Variants in SH3PXD2A observed in about 807,000 individuals in gnomAD.
The protein encoded by SH3PXD2A is SH3 and PX domains 2A, also known as SH3 and PX domain-containing protein 2A.
A neutral mutation model predicts 115.2 loss-of-function variants in SH3PXD2A; 32 were observed. That is an observed-to-expected ratio of 0.28 (90% CI 0.21 to 0.37). The LOEUF is 0.37. Ranked by LOEUF, SH3PXD2A falls within the 10% of genes least tolerant of loss-of-function variation. The pLI is 1.00. For missense variants in SH3PXD2A, 1,328 were observed against 1,498.7 expected, an observed-to-expected ratio of 0.89 and a Z score of 1.88; for synonymous variants, 610 against 629.1, an observed-to-expected ratio of 0.97 and a Z score of 0.45.
At chr10:103,663,588 T>C (rs542143667) in intron 7 of SH3PXD2A, among the ~76,000 whole-genome samples, 3 of 152,368 alleles carry the variant, frequency 2.0e-5, no homozygotes, top group East Asian at 1.9e-4. Context: ...CAGGTTTCTT[T>C]GGTCTGGGAC....
rs771757799 is a variant in SH3PXD2A, at chr10:103,605,783, T to C, written c.1428+15A>G. On this transcript the variant is annotated intron_variant, in intron 14 of 14. Transcript: ENST00000369774. The stretch of plus-strand genomic sequence containing the variant: ...CAATGAGTTAAAACCCTCGGCCTCA[T>C]GGCCCAAGGCTTACCTCTGCCTTCT... 5 of 1,614,140 alleles carry C rather than the reference T, an allele frequency of 3.1e-6. No homozygotes were observed. The highest frequency in any genetic ancestry group is 2.2e-5 in the East Asian group (1 of 44,884).
intron 8 of SH3PXD2A, among the ~76,000 whole-genome samples, chr10:103,653,915 C>T (rs961761013): frequency 6.6e-6 from 1 of 151,896 alleles, no homozygotes; most frequent in Non-Finnish European, 1.5e-5. Context: ...GCCCCACCCT[C>T]CCACCTCCTG....
chr10:103,625,294 C>T (rs182598904), intron 9 of SH3PXD2A, among the ~76,000 whole-genome samples: 126 of 152,372 alleles, frequency 8.3e-4, no homozygotes, highest in African/African-American at 2.9e-3. Flanking sequence ...CCTGGTGCAG[C>T]CTTTTCAACT....
At chr10:103,663,960 A>G (rs2037349431) in intron 7 of SH3PXD2A, among the ~76,000 whole-genome samples, 1 of 152,128 alleles carries the variant, frequency 6.6e-6, no homozygotes. Context: ...CAGAAATGCA[A>G]CCAACAGCCG....
At position 103,620,233 on chromosome 10, in the gene SH3PXD2A, G is replaced by A. The variant is rs1354805189; in HGVS notation, c.802+2237C>T. 6.6e-6 allele frequency among the ~76,000 whole-genome samples: 1 copy of A among 152,192 alleles called. No homozygotes were observed. The highest frequency in any genetic ancestry group is 1.5e-5 in the Non-Finnish European group (1 of 68,036). The stretch of plus-strand genomic sequence containing the variant: ...TCCAGTGGGATCCTCCGGGCTTCTG[G>A]GAAGCACTGGGGCCGTGAACACTGA... On this transcript the variant is annotated intron_variant, in intron 10 of 14. Coordinates refer to ENST00000369774, the MANE Select transcript of SH3PXD2A (RefSeq NM_001394015.1). This position sits in a 1 kb window ranked among gnomAD's most constrained non-coding sequence, Gnocchi z 5.3.
At chr10:103,697,028 G>A (rs942434777) in intron 5 of SH3PXD2A, among the ~76,000 whole-genome samples, 2 of 151,926 alleles carry the variant, frequency 1.3e-5, no homozygotes, top group Non-Finnish European at 2.9e-5. Context: ...CCCCATCCCC[G>A]GGTGATACGG....
intron 5 of SH3PXD2A, among the ~76,000 whole-genome samples, chr10:103,708,810 C>T (rs1035956333): frequency 2.6e-5 from 4 of 152,104 alleles, no homozygotes; most frequent in African/African-American, 4.8e-5. Context: ...TTAAGATCCT[C>T]GTGGCTGCCA....
chr10:103,602,649 A>C lies in SH3PXD2A; in HGVS notation c.2569T>G (p.Ser857Ala). The stretch of plus-strand genomic sequence containing the variant: ...ACGCCCGCGGGGAAGCTGATCTCCG[A>C]GTCCTGGACCTTCTGGTAGGCGCTG... ...TCSAYQKVQD[S>A]EISFPAGVEV... Residue 857 changes from serine (S) to alanine (A), a missense_variant, in exon 15 of 15, where the codon TCG becomes GCG. By Grantham distance (99) the Ser-to-Ala change is moderately conservative. This residue lies in a region of SH3PXD2A where 574 missense variants were observed against 565.7 expected (regional missense o/e 1.01). Coordinates refer to ENST00000369774, the MANE Select transcript of SH3PXD2A (RefSeq NM_001394015.1). 6.2e-7 allele frequency: 1 copy of C among 1,614,006 alleles called. No individual in the cohort carries two copies. Among genetic ancestry groups the C allele is most frequent in the Non-Finnish European group, 8.5e-7 (1 of 1,180,010 alleles).
chr10:103,701,957 C>CT (rs1451881667), intron 5 of SH3PXD2A, among the ~76,000 whole-genome samples: 2 of 151,420 alleles, frequency 1.3e-5, no homozygotes, highest in South Asian at 2.1e-4. Flanking sequence ...CATCCATCAT[C>CT]TATCTACCAT....
chr10:103,828,840 G>A (rs1277793178), intron 1 of SH3PXD2A, among the ~76,000 whole-genome samples: 1 of 152,198 alleles, frequency 6.6e-6, no homozygotes, highest in African/African-American at 2.4e-5. Flanking sequence ...ACAGTTGGAC[G>A]ATTGCTTGGG....
intron 8 of SH3PXD2A, among the ~76,000 whole-genome samples, chr10:103,638,491 A>T (rs60203807): frequency 0.16 from 24,802 of 152,256 alleles, 2,845 homozygotes; most frequent in African/African-American, 0.31. Context: ...CTAACAAGCA[A>T]CGCAGGCAGA....
intron 1 of SH3PXD2A, among the ~76,000 whole-genome samples, chr10:103,853,135 C>T (rs1322029574): frequency 6.6e-6 from 1 of 152,214 alleles, no homozygotes; most frequent in Non-Finnish European, 1.5e-5. Context: ...TCGATTCTTA[C>T]TCGGGAAGCG....
chr10:103,680,134 G>A (rs1027470471), intron 6 of SH3PXD2A, among the ~76,000 whole-genome samples: 1 of 151,524 alleles, frequency 6.6e-6, no homozygotes, highest in African/African-American at 2.4e-5. Context: ...CGCCCACCAC[G>A]ACACCAAGCT....
intron 2 of SH3PXD2A, among the ~76,000 whole-genome samples, chr10:103,776,879 G>C (rs1390727571): frequency 1.3e-5 from 2 of 152,146 alleles, no homozygotes; most frequent in Non-Finnish European, 2.9e-5. Flanking sequence ...GGTACCAGAG[G>C]CTAGGACTTC....
At chr10:103,690,223 C>T (rs2037733128) in intron 6 of SH3PXD2A, among the ~76,000 whole-genome samples, 1 of 152,118 alleles carries the variant, frequency 6.6e-6, no homozygotes. Flanking sequence ...TCGATAACAG[C>T]ATCTAGCACT....
intron 3 of SH3PXD2A, among the ~76,000 whole-genome samples, chr10:103,761,111 AT>A (rs1044677266): frequency 6.6e-6 from 1 of 152,206 alleles, no homozygotes; most frequent in African/African-American, 2.4e-5. Flanking sequence ...ACCAGCTGAC[AT>A]GCTTGTTTAA....
rs111748368 is a variant in SH3PXD2A at position 103,710,463 on chromosome 10, C to G, written c.398+13807G>C. Among the ~76,000 whole-genome samples, 1,376 of 152,322 alleles carry G rather than the reference C, an allele frequency of 9.0e-3. 12 individuals carry two copies. Among genetic ancestry groups the G allele is most frequent in the Non-Finnish European group, 0.014 (951 of 68,040 alleles). ...CAGTAATTGAGCTATTATTAGCTTT[C>G]TAGACCTCATAGTAACCCTATGCTG... On this transcript the variant is annotated intron_variant, in intron 5 of 14. Transcript: ENST00000369774.
Position 103,611,584 on chromosome 10 carries a change from G to C in SH3PXD2A, c.1305C>G (p.Ser435Arg). The stretch of plus-strand genomic sequence containing the variant: ...AGAAGAAATTCAGTACACATACCAG[G>C]CTGGATTCTCTGCGTGGTGGAGGTC... ...RTRPPPRRES[S>R]LGFQLPKPPE... The change falls in exon 13 of 15, where the codon AGC (serine) becomes AGG (arginine). Residue 435 changes from serine (S) to arginine (R), a missense_variant. Around this residue, in one of 5 missense-constraint regions of SH3PXD2A, gnomAD observed 509 missense variants for 628.3 expected, o/e 0.81. Transcript: ENST00000369774. 1 of 1,613,824 alleles carries C rather than the reference G, an allele frequency of 6.2e-7. No homozygotes were observed. The highest frequency in any genetic ancestry group is 1.1e-5 in the South Asian group (1 of 91,072).
At chr10:103,831,138 C>T (rs193228536) in intron 1 of SH3PXD2A, among the ~76,000 whole-genome samples, 6 of 152,260 alleles carry the variant, frequency 3.9e-5, no homozygotes, top group African/African-American at 1.2e-4. Flanking sequence ...ATAAATGGAT[C>T]GATATTTCCA....
Sources: gnomAD v4.1 joint callset for allele counts (sites outside exome capture counted in the v4.1 genomes callset) on GRCh38, gnomAD v4.1.1 for gene constraint, gnomAD v4.1.1 regional missense constraint, Gnocchi (gnomAD v3.1) non-coding constraint, MANE v1.5 for transcripts, NCBI Gene and HGNC (gene_info 2026-07-23, HGNC 2026-07-21) for gene names.